Variants in CRPPA observed in about 807,000 individuals in gnomAD.
CRPPA encodes D-ribitol-5-phosphate cytidylyltransferase.
Under a neutral mutation model 52.0 loss-of-function variants are expected in CRPPA, and 43 were observed. The observed-to-expected ratio is 0.83, with a 90% CI of 0.65 to 1.07. CRPPA has a LOEUF of 1.07. Among genes scored for constraint, CRPPA ranks in the 50% least tolerant of loss-of-function variants. The pLI is 0.00. For missense variants in CRPPA, 629 were observed against 551.7 expected (o/e 1.14, Z -1.40); for synonymous variants, 250 against 203.5 (o/e 1.23, Z -1.94).
chr7:16,378,217 G>C (rs962238859), intron 2 of CRPPA, among the ~76,000 whole-genome samples: 1 of 151,006 alleles, frequency 6.6e-6, no homozygotes, highest in African/African-American at 2.4e-5. Context: ...CCATTAACTT[G>C]TTATTTAGCA....
chr7:16,274,618 G>A (rs1222130995), intron 6 of CRPPA, among the ~76,000 whole-genome samples: 1 of 151,862 alleles, frequency 6.6e-6, no homozygotes, highest in Non-Finnish European at 1.5e-5. Flanking sequence ...AATTTTTGAG[G>A]AATGGTGATT....
chr7:16,187,490 C>T (rs1023160586), intron 9 of CRPPA, among the ~76,000 whole-genome samples: 2 of 152,190 alleles, frequency 1.3e-5, no homozygotes, highest in African/African-American at 2.4e-5. Flanking sequence ...GAATCCTTTT[C>T]AAGTCTAACT....
intron 8 of CRPPA, among the ~76,000 whole-genome samples, chr7:16,232,168 A>G (rs1349549538): frequency 6.6e-6 from 1 of 152,234 alleles, no homozygotes; most frequent in Admixed American, 6.5e-5. Context: ...CTCAATGCAC[A>G]CACAGGGTTG....
chr7:16,339,140 C>A (rs1030765934), intron 3 of CRPPA, among the ~76,000 whole-genome samples: 1 of 152,078 alleles, frequency 6.6e-6, no homozygotes, highest in African/African-American at 2.4e-5. Context: ...TATACCAATT[C>A]TCTACAATCT....
chr7:16,354,409 C>A (rs763946111), intron 3 of CRPPA, among the ~76,000 whole-genome samples: 6 of 152,110 alleles, frequency 3.9e-5, no homozygotes, highest in Admixed American at 2.6e-4. Flanking sequence ...ATCAGGTATG[C>A]AGTAAGTAGA....
intron 2 of CRPPA, 74 bp downstream of exon 2, chr7:16,405,987 T>G (rs1787942877): frequency 7.5e-7 from 1 of 1,341,008 alleles, no homozygotes; most frequent in African/African-American, 1.5e-5. Context: ...TAAACAGAAT[T>G]GAATCAAAAT....
rs574428400 is a variant in CRPPA, at chr7:16,134,037, T to C, written c.1252-42238A>G. ...AGCTCCGCTTCCCGGGTTCACGCCA[T>C]TCTCCTGCCTCAGCCTCCCGAGCAG... On this transcript the variant is annotated intron_variant, in intron 9 of 9. Transcript: ENST00000407010. 9.7e-5 allele frequency among the ~76,000 whole-genome samples: 12 copies of C among 123,854 alleles called. 4 individuals are homozygous for C. The highest frequency in any genetic ancestry group is 1.8e-4 in the Non-Finnish European group (10 of 54,442). The allele number at this position is 123,854 out of a possible 152,430, so 81.3% of individuals were successfully genotyped here.
intron 3 of CRPPA, among the ~76,000 whole-genome samples, chr7:16,364,461 T>C (rs911010616): frequency 1.3e-5 from 2 of 152,210 alleles, no homozygotes; most frequent in Non-Finnish European, 2.9e-5. Context: ...CCATTTTCTA[T>C]GAGTCCTGAT....
intron 4 of CRPPA, among the ~76,000 whole-genome samples, chr7:16,302,123 C>T (rs1583503053): frequency 1.3e-5 from 2 of 151,968 alleles, no homozygotes; most frequent in East Asian, 1.9e-4. Flanking sequence ...GGTGAAACCC[C>T]GTCTCTACTA....
At chr7:16,257,536 T>C (rs190813903) in intron 8 of CRPPA, among the ~76,000 whole-genome samples, 1 of 152,138 alleles carries the variant, frequency 6.6e-6, no homozygotes, top group Non-Finnish European at 1.5e-5. Context: ...TCTCCCATAG[T>C]TGCTAATTTG....
At chr7:16,332,000 G>A (rs1785562249) in intron 3 of CRPPA, among the ~76,000 whole-genome samples, 1 of 152,098 alleles carries the variant, frequency 6.6e-6, no homozygotes, top group Non-Finnish European at 1.5e-5. Flanking sequence ...TGAACACCAA[G>A]CAAGGTAAAT....
intron 3 of CRPPA, among the ~76,000 whole-genome samples, chr7:16,363,459 C>T (rs1786509479): frequency 1.3e-5 from 2 of 152,036 alleles, no homozygotes; most frequent in Admixed American, 1.3e-4. Flanking sequence ...TGATTTCAAA[C>T]TAATTCACAT....
chr7:16,306,750 G>A (rs1784921716), intron 4 of CRPPA, among the ~76,000 whole-genome samples: 1 of 152,108 alleles, frequency 6.6e-6, no homozygotes, highest in African/African-American at 2.4e-5. Context: ...ACATCTAACT[G>A]GTAATTGCCA....
At chr7:16,390,987 A>T (rs901368304) in intron 2 of CRPPA, among the ~76,000 whole-genome samples, 1 of 152,174 alleles carries the variant, frequency 6.6e-6, no homozygotes, top group African/African-American at 2.4e-5. Flanking sequence ...CAGTCATTCT[A>T]TTAATGACCA....
At chr7:16,256,039 A>G (rs548217749) in intron 8 of CRPPA, among the ~76,000 whole-genome samples, 1 of 152,224 alleles carries the variant, frequency 6.6e-6, no homozygotes, top group Non-Finnish European at 1.5e-5. Context: ...TTTGCAATCT[A>G]TCTATCTGAC....
intron 3 of CRPPA, among the ~76,000 whole-genome samples, chr7:16,324,645 T>A (rs769718278): frequency 1.3e-5 from 2 of 151,880 alleles, no homozygotes; most frequent in Non-Finnish European, 2.9e-5. Flanking sequence ...AATTGTACAT[T>A]ACCATCAACA....
chr7:16,190,904 A>G (rs10257412), intron 9 of CRPPA, among the ~76,000 whole-genome samples: 4,353 of 152,200 alleles, frequency 0.029, 206 homozygotes, highest in African/African-American at 0.1. Context: ...ATAGAATAAT[A>G]GTCTCCAGTT....
At chr7:16,302,336 A>T (rs948520355) in intron 4 of CRPPA, among the ~76,000 whole-genome samples, 41 of 149,770 alleles carry the variant, frequency 2.7e-4, no homozygotes, top group African/African-American at 9.9e-4. Flanking sequence ...ACCTCCTCAT[A>T]ATTGTAATCT....
intron 3 of CRPPA, among the ~76,000 whole-genome samples, chr7:16,317,500 C>T (rs1362039945): frequency 6.6e-6 from 1 of 152,128 alleles, no homozygotes; most frequent in Non-Finnish European, 1.5e-5. Context: ...TGACAATATG[C>T]ATCATCTTCT....
Sources: allele counts gnomAD v4.1 joint callset (sites outside exome capture counted in the v4.1 genomes callset), GRCh38; gene constraint gnomAD v4.1.1; transcripts MANE v1.5; gene names NCBI Gene and HGNC (gene_info 2026-07-23, HGNC 2026-07-21).